Variants in VTCN1 observed in about 807,000 individuals in gnomAD.
VTCN1 encodes V-set domain containing T cell activation inhibitor 1, also known as V-set domain-containing T-cell activation inhibitor 1.
In VTCN1, 26 loss-of-function variants were observed where a neutral mutation model predicts 26.5. The ratio of observed to expected loss-of-function variants is 0.98; its 90% confidence interval spans 0.72 to 1.36. VTCN1 has a LOEUF of 1.36. Ranked by LOEUF, VTCN1 falls within the 40% of genes most tolerant of loss-of-function variation. The pLI, the probability that VTCN1 is intolerant of heterozygous loss-of-function variation, is 0.00. For synonymous variants in VTCN1, 116 were observed against 130.7 expected, an observed-to-expected ratio of 0.89 and a Z score of 0.77; for missense variants, 298 against 337.7, an observed-to-expected ratio of 0.88 and a Z score of 0.92.
At chr1:117,190,253 T>C (rs1271509915) in intron 1 of VTCN1, among the ~76,000 whole-genome samples, 1 of 152,206 alleles carries the variant, frequency 6.6e-6, no homozygotes, top group Non-Finnish European at 1.5e-5. Context: ...CAACTGAGGA[T>C]TGTGAAGCAG....
At chr1:117,148,554 T>C (rs1651633722) in intron 4 of VTCN1, among the ~76,000 whole-genome samples, 1 of 152,216 alleles carries the variant, frequency 6.6e-6, no homozygotes. Context: ...TTTCCAAGTC[T>C]ACCTCCTTAG....
Position 117,146,233 on chromosome 1 carries a change from A to C in VTCN1, c.*46-1008T>G, listed in dbSNP as rs6684166. Among the ~76,000 whole-genome samples the C allele has an allele frequency of 0.18, 27,254 of 152,126 alleles. 4,427 individuals carry two copies. Among genetic ancestry groups the C allele is most frequent in the African/African-American group, 0.44 (18,108 of 41,470 alleles). On this transcript the variant is annotated intron_variant, in intron 5 of 5. Coordinates refer to ENST00000369458, the MANE Select transcript of VTCN1 (RefSeq NM_024626.4). This position sits in a 1 kb window ranked among gnomAD's most constrained non-coding sequence, Gnocchi z 4.2. Reference sequence around the variant, plus strand: ...TCAAGGAAAGAAAAAAGTGCTTTTCACTCTACTAGTGAGATTCCCAAGGGA... The same window carrying C: ...TCAAGGAAAGAAAAAAGTGCTTTTCCCTCTACTAGTGAGATTCCCAAGGGA...
intron 1 of VTCN1, among the ~76,000 whole-genome samples, chr1:117,199,909 C>T (rs767322253): frequency 6.6e-6 from 1 of 152,180 alleles, no homozygotes; most frequent in Non-Finnish European, 1.5e-5. Flanking sequence ...CCTAGGATTA[C>T]AGGTTTGAGC....
At chr1:117,179,286 G>A (rs1167984713) in intron 1 of VTCN1, among the ~76,000 whole-genome samples, 2 of 152,126 alleles carry the variant, frequency 1.3e-5, no homozygotes, top group Admixed American at 6.5e-5. Flanking sequence ...GTTTCCAGAC[G>A]TGTCACCCCA....
In VTCN1 at chr1:117,147,888, C is replaced by A; in HGVS notation, c.725-106G>T. The A allele has an allele frequency of 6.8e-7, 1 of 1,468,202 alleles. No homozygotes were observed. Among genetic ancestry groups the A allele is most frequent in the Non-Finnish European group, 9.1e-7 (1 of 1,103,576 alleles). The allele number at this position is 1,468,202 out of a possible 1,614,324, so 90.9% of individuals were successfully genotyped here. ...TACCTGAAAAACAGAACAAGTTGTT[C>A]CTAATTCAGGCAATTTTTTACCCCT... On this transcript the variant is annotated intron_variant, in intron 4 of 5. Transcript: ENST00000369458. This position sits in a 1 kb window ranked among gnomAD's most constrained non-coding sequence, Gnocchi z 4.6.
Position 117,161,585 on chromosome 1 carries a change from GC to G in VTCN1, c.98-4665del, listed in dbSNP as rs1652373325. 6.6e-6 allele frequency among the ~76,000 whole-genome samples: 1 copy of G among 152,148 alleles called. No individual in the cohort carries two copies. Among genetic ancestry groups the G allele is most frequent in the African/African-American group, 2.4e-5 (1 of 41,428 alleles). ...ATCTGTAAGTCCTGTAGTGCCTAGA[GC>G]TATGTTTCTGCAGAGAAAAATAATG... On this transcript the variant is annotated intron_variant, in intron 2 of 5. Transcript: ENST00000369458. This position sits in a 1 kb window ranked among gnomAD's most constrained non-coding sequence, Gnocchi z 4.3.
At chr1:117,196,411 G>T (rs1033555638) in intron 1 of VTCN1, among the ~76,000 whole-genome samples, 8 of 151,258 alleles carry the variant, frequency 5.3e-5, no homozygotes, top group South Asian at 4.2e-4. Context: ...TATAGAGAGA[G>T]AGAGAGAGAG....
At chr1:117,200,819 G>A (rs1156455521) in intron 1 of VTCN1, among the ~76,000 whole-genome samples, 1 of 152,168 alleles carries the variant, frequency 6.6e-6, no homozygotes, top group Non-Finnish European at 1.5e-5. Context: ...ACCCAGGCTG[G>A]AGTGCAGTGG....
intron 1 of VTCN1, among the ~76,000 whole-genome samples, chr1:117,193,266 C>T (rs914272990): frequency 3.9e-5 from 6 of 152,234 alleles, no homozygotes; most frequent in Admixed American, 2.0e-4. Flanking sequence ...TCAATAACTA[C>T]TTTAAATGTA....
In VTCN1 at chr1:117,169,125, T is replaced by C. The variant is rs1652763838; in HGVS notation, c.97+982A>G. Reference sequence around the variant, plus strand: ...ATGTGTTGGACTGAGTCAGGTGGTTTATGAAAAAAAGAGCAGACAATTTGC... The same window carrying C: ...ATGTGTTGGACTGAGTCAGGTGGTTCATGAAAAAAAGAGCAGACAATTTGC... On this transcript the variant is annotated intron_variant, in intron 2 of 5. Coordinates refer to ENST00000369458, the MANE Select transcript of VTCN1 (RefSeq NM_024626.4). The surrounding 1 kb of genome is among the most constrained non-coding windows in gnomAD (Gnocchi z 4.0). Among the ~76,000 whole-genome samples the C allele has an allele frequency of 6.6e-6, 1 of 152,112 alleles. No individual in the cohort carries two copies. Among genetic ancestry groups the C allele is most frequent in the Non-Finnish European group, 1.5e-5 (1 of 68,010 alleles).
intron 1 of VTCN1, among the ~76,000 whole-genome samples, chr1:117,198,475 C>T (rs1311271912): frequency 1.3e-5 from 2 of 152,170 alleles, no homozygotes; most frequent in East Asian, 1.9e-4. Context: ...TCTGATTCTA[C>T]CCCCATCCAA....
At position 117,210,771 on chromosome 1, in the gene VTCN1, A is replaced by T. The variant is rs376927021; in HGVS notation, c.32+53T>A. On this transcript the variant is annotated intron_variant, in intron 1 of 5. Transcript: ENST00000369458. ...CAGCAGTGCTCAGCATCCCCAAAAG[A>T]CCTCACTGCTGTTCCCTTCACCCAT... 355 of 1,590,952 alleles carry T rather than the reference A, an allele frequency of 2.2e-4. 1 individual carries two copies. Among genetic ancestry groups the T allele is most frequent in the Non-Finnish European group, 1.4e-4 (167 of 1,159,226 alleles).
At chr1:117,210,369 A>C (rs761601946) in intron 1 of VTCN1, among the ~76,000 whole-genome samples, 1 of 152,090 alleles carries the variant, frequency 6.6e-6, no homozygotes, top group African/African-American at 2.4e-5. Flanking sequence ...CAGAGAATGA[A>C]AGCACATTCT....
rs1391244658 is a variant in VTCN1 at position 117,161,960 on chromosome 1, G to A, written c.98-5039C>T. 2.0e-5 allele frequency among the ~76,000 whole-genome samples: 3 copies of A among 152,310 alleles called. No homozygotes were observed. Among genetic ancestry groups the A allele is most frequent in the South Asian group, 2.1e-4 (1 of 4,820 alleles). On this transcript the variant is annotated intron_variant, in intron 2 of 5. Transcript: ENST00000369458. This position sits in a 1 kb window ranked among gnomAD's most constrained non-coding sequence, Gnocchi z 4.3. Reference sequence around the variant, plus strand: ...AATGACATACCTTAGTTCAGCAACTGTATTACTGAATTAATTTTAATATGT... The same window carrying A: ...AATGACATACCTTAGTTCAGCAACTATATTACTGAATTAATTTTAATATGT...
intron 3 of VTCN1, among the ~76,000 whole-genome samples, chr1:117,153,715 T>G (rs1192886018): frequency 6.6e-6 from 1 of 152,188 alleles, no homozygotes; most frequent in Non-Finnish European, 1.5e-5. Flanking sequence ...TTAGGCATTT[T>G]CCTAGGGATC....
intron 1 of VTCN1, among the ~76,000 whole-genome samples, chr1:117,210,185 T>G (rs1649283980): frequency 1.3e-5 from 2 of 151,734 alleles, no homozygotes; most frequent in Admixed American, 1.3e-4. Context: ...GGGAGGGAAC[T>G]TGCTTCCTTC....
At position 117,144,890 on chromosome 1, in the gene VTCN1, C is replaced by G. The variant is rs1367602083; in HGVS notation, c.*381G>C. On this transcript the variant is annotated 3_prime_UTR_variant, in exon 6 of 6. Transcript: ENST00000369458. Reference sequence around the variant, plus strand: ...CAGAGCAACATTACAGCACATATAACTAAAAATTCAGAGACAAAGAACATG... The same window carrying G: ...CAGAGCAACATTACAGCACATATAAGTAAAAATTCAGAGACAAAGAACATG... 2 of 152,596 alleles carry G rather than the reference C, an allele frequency of 1.3e-5. No individual in the cohort carries two copies. The highest frequency in any genetic ancestry group is 4.8e-5 in the African/African-American group (2 of 41,440). The allele number at this position is 152,596 out of a possible 1,614,324, so 9.5% of individuals were successfully genotyped here.
chr1:117,178,587 C>CTT (rs1647504273), intron 1 of VTCN1, among the ~76,000 whole-genome samples: 7 of 43,270 alleles, frequency 1.6e-4, no homozygotes, highest in Admixed American at 7.3e-4. Context: ...TTCTTTCTTT[C>CTT]GTTTTTTTTT....
intron 2 of VTCN1, among the ~76,000 whole-genome samples, chr1:117,157,388 ACATGGCTGGGGAGGCCTCAGAAT>A (rs1652139510): frequency 6.6e-6 from 1 of 152,174 alleles, no homozygotes; most frequent in Admixed American, 6.6e-5. Context: ...TTACAGTTCC[ACATGGCTGGGGAGGCCTCAGAAT>A]CATGGAGGGA....
Sources: allele counts gnomAD v4.1 joint callset (sites outside exome capture counted in the v4.1 genomes callset), GRCh38; gene constraint gnomAD v4.1.1; non-coding constraint Gnocchi (gnomAD v3.1); transcripts MANE v1.5; gene names NCBI Gene and HGNC (gene_info 2026-07-23, HGNC 2026-07-21).